DNM2: variants seen among roughly 807,000 people sequenced by gnomAD.
DNM2 encodes the protein dynamin 2.
Under a neutral mutation model 99.0 loss-of-function variants are expected in DNM2, and 15 were observed. That is an observed-to-expected ratio of 0.15 (90% confidence interval 0.10 to 0.23). The LOEUF is 0.23. Ranked by LOEUF, DNM2 falls within the 10% of genes least tolerant of loss-of-function variation. DNM2 has a pLI of 1.00. For missense variants in DNM2, 742 were observed against 1,189.4 expected (o/e 0.62, Z 5.53); for synonymous variants, 525 against 481.2 (o/e 1.09, Z -1.19).
intron 1 of DNM2, chr19:10,718,627 A>G: frequency 3.8e-6 from 2 of 525,160 alleles, no homozygotes; most frequent in Non-Finnish European, 5.6e-6. Flanking sequence ...GTCACGGGCC[A>G]GGGCGCCGTA....
chr19:10,795,267 C>T lies in DNM2; in HGVS notation c.1129-105C>T. On this transcript the variant is annotated intron_variant, in intron 8 of 20. Coordinates refer to ENST00000389253, the MANE Select transcript of DNM2 (RefSeq NM_001005361.3). The surrounding 1 kb of genome is among the most constrained non-coding windows in gnomAD (Gnocchi z 4.2). ...AATTTTGACGAGTTAAATATTCTGC[C>T]TTGTGAATATAGCCACACGTGGGAG... is the stretch of plus-strand genomic sequence containing the variant. 9.4e-7 allele frequency: 1 copy of T among 1,060,576 alleles called. No individual in the cohort carries two copies. The highest frequency in any genetic ancestry group is 1.7e-5 in the Admixed American group (1 of 58,342). 65.7% of individuals were successfully genotyped at this position (1,060,576 alleles called of 1,614,324 possible).
chr19:10,738,882 A>G (rs1244039135), intron 1 of DNM2, among the ~76,000 whole-genome samples: 2 of 147,090 alleles, frequency 1.4e-5, no homozygotes, highest in Non-Finnish European at 3.0e-5. Flanking sequence ...AAAAAAAAAA[A>G]AAAAGGCTGG....
intron 16 of DNM2, chr19:10,823,524 A>G (rs1347013289): frequency 6.2e-6 from 3 of 485,314 alleles, no homozygotes; most frequent in African/African-American, 5.8e-5. Flanking sequence ...CGAGGGTCAC[A>G]TGCCCACCTC....
At chr19:10,719,687 C>T (rs1036224988) in intron 1 of DNM2, among the ~76,000 whole-genome samples, 1 of 152,216 alleles carries the variant, frequency 6.6e-6, no homozygotes, top group African/African-American at 2.4e-5. Flanking sequence ...CAAATGATAA[C>T]ATCCTCCTCC....
intron 1 of DNM2, among the ~76,000 whole-genome samples, chr19:10,728,761 A>G (rs1220013241): frequency 6.6e-6 from 1 of 152,158 alleles, no homozygotes; most frequent in East Asian, 1.9e-4. Flanking sequence ...CAGCCTGGCC[A>G]GCATGGCGAG....
intron 11 of DNM2, among the ~76,000 whole-genome samples, chr19:10,800,706 G>A (rs1007376014): frequency 1.8e-4 from 28 of 152,262 alleles, no homozygotes; most frequent in African/African-American, 6.5e-4. Flanking sequence ...GCGCATCCCA[G>A]CGCCTCCTCC....
At chr19:10,819,882 C>T in intron 15 of DNM2, 98 bp from the exon 16 acceptor site, 2 of 1,115,650 alleles carry the variant, frequency 1.8e-6, no homozygotes, top group Non-Finnish European at 2.7e-6. Context: ...TTGAGAAGCC[C>T]CCGGGGCTGG....
intron 7 of DNM2, among the ~76,000 whole-genome samples, chr19:10,791,542 A>G (rs1223202227): frequency 6.6e-6 from 1 of 150,790 alleles, no homozygotes; most frequent in African/African-American, 2.5e-5. Flanking sequence ...TCCGCGGGAC[A>G]CCGACCAGCC....
chr19:10,725,489 C>T (rs545659602), intron 1 of DNM2, among the ~76,000 whole-genome samples: 18 of 151,438 alleles, frequency 1.2e-4, no homozygotes, highest in Non-Finnish European at 2.2e-4. Context: ...ATGCAAGGCT[C>T]GGTTAGGGTG....
chr19:10,744,496 T>C lies in DNM2; in HGVS notation c.162-15242T>C, dbSNP rs537892658. 2.3e-3 allele frequency among the ~76,000 whole-genome samples: 357 copies of C among 152,012 alleles called. 3 individuals are homozygous for C. The highest frequency in any genetic ancestry group is 7.7e-3 in the African/African-American group (318 of 41,480). On this transcript the variant is annotated intron_variant, in intron 1 of 20. Coordinates refer to ENST00000389253, the MANE Select transcript of DNM2 (RefSeq NM_001005361.3). The stretch of plus-strand genomic sequence containing the variant: ...TCGGGGTGGAGGGAACTAGAACGTG[T>C]TTGCCTGGAGGTCACTACCTACTCC...
chr19:10,823,816 G>C lies in DNM2; in HGVS notation c.1810G>C (p.Glu604Gln). ...RNVYKDLRQI[E>Q]LACDSQEDVD... ...CGTCTACAAGGACCTGCGGCAGATC[G>C]AGCTGGCCTGTGACTCCCAGGAAGA... Residue 604 changes from glutamate to glutamine, a missense_variant, in exon 17 of 21, where the codon GAG becomes CAG. By Grantham distance (29) the Glu-to-Gln change is conservative. Transcript: ENST00000389253. The C allele has an allele frequency of 6.2e-7, 1 of 1,613,588 alleles. No homozygotes were observed. The highest frequency in any genetic ancestry group is 2.2e-5 in the East Asian group (1 of 44,854).
At chr19:10,777,605 T>A (rs2071197280) in intron 5 of DNM2, among the ~76,000 whole-genome samples, 1 of 152,122 alleles carries the variant, frequency 6.6e-6, no homozygotes, top group Non-Finnish European at 1.5e-5. Context: ...TTCCTTTTTG[T>A]TTTTTGAGAC....
chr19:10,723,957 A>T (rs1329075697), intron 1 of DNM2, among the ~76,000 whole-genome samples: 1 of 152,008 alleles, frequency 6.6e-6, no homozygotes, highest in East Asian at 1.9e-4. Context: ...GCATGGTGAC[A>T]CCTGTAGTCC....
intron 18 of DNM2, among the ~76,000 whole-genome samples, chr19:10,825,959 C>T (rs2073130495): frequency 6.6e-6 from 1 of 151,410 alleles, no homozygotes; most frequent in African/African-American, 2.4e-5. Flanking sequence ...CACTTGAGCC[C>T]AGGAGGTTGA....
At chr19:10,743,833 AAAAATT>A (rs2069855769) in intron 1 of DNM2, among the ~76,000 whole-genome samples, 1 of 149,852 alleles carries the variant, frequency 6.7e-6, no homozygotes, top group African/African-American at 2.5e-5. Context: ...AAAAAAAAAA[AAAAATT>A]AGCCGTGTGT....
intron 1 of DNM2, among the ~76,000 whole-genome samples, chr19:10,753,150 A>G (rs1357387840): frequency 2.6e-5 from 4 of 152,168 alleles, no homozygotes; most frequent in African/African-American, 2.4e-5. Context: ...AAAAAGGTTA[A>G]TAATCATGAA....
chr19:10,819,630 C>T (rs1192335294), intron 15 of DNM2, among the ~76,000 whole-genome samples: 1 of 152,100 alleles, frequency 6.6e-6, no homozygotes, highest in Non-Finnish European at 1.5e-5. Flanking sequence ...TCAACAAGCG[C>T]AGGATACGTG....
At chr19:10,721,880 A>T (rs2068951886) in intron 1 of DNM2, among the ~76,000 whole-genome samples, 1 of 152,092 alleles carries the variant, frequency 6.6e-6, no homozygotes, top group African/African-American at 2.4e-5. Context: ...TCCAGTCAAT[A>T]TCCGGATTTC....
At chr19:10,742,777 C>T (rs1599458119) in intron 1 of DNM2, among the ~76,000 whole-genome samples, 2 of 152,204 alleles carry the variant, frequency 1.3e-5, no homozygotes, top group Middle Eastern at 3.4e-3. Context: ...GCCAATAGAC[C>T]GGATGACTTA....
Sources: allele counts gnomAD v4.1 joint callset (sites outside exome capture counted in the v4.1 genomes callset), GRCh38; gene constraint gnomAD v4.1.1; non-coding constraint Gnocchi (gnomAD v3.1); transcripts MANE v1.5; gene names NCBI Gene and HGNC (gene_info 2026-07-23, HGNC 2026-07-21).